Variants in AAMDC observed in about 807,000 individuals in gnomAD.
The protein encoded by AAMDC is adipogenesis associated Mth938 domain containing.
A neutral mutation model predicts 15.5 loss-of-function variants in AAMDC; 16 were observed. The observed-to-expected ratio is 1.03, with a 90% confidence interval of 0.70 to 1.57. The LOEUF is 1.57. Ranked by LOEUF, AAMDC falls within the 40% of genes most tolerant of loss-of-function variation. AAMDC has a pLI of 0.00. For synonymous variants in AAMDC, 51 were observed against 51.6 expected (o/e 0.99, Z 0.05); for missense variants, 141 against 144.9 (o/e 0.97, Z 0.14).
chr11:77,874,566 C>A (rs977503241), downstream of AAMDC, among the ~76,000 whole-genome samples: 1 of 152,152 alleles, frequency 6.6e-6, no homozygotes, highest in Non-Finnish European at 1.5e-5. Context: ...ATAGCCCCTA[C>A]TTTGGAACCT....
chr11:77,836,460 G>T lies in AAMDC; in HGVS notation c.-18-6019G>T, dbSNP rs181674038. On this transcript the variant is annotated intron_variant, in intron 1 of 3. Coordinates refer to ENST00000393427, the MANE Select transcript of AAMDC (RefSeq NM_024684.4). ...AGGCATCCATTTCCAAGCCAAAAAGGCCTCGCCATAAACCAACCAATCCTA... is the reference window on the plus strand; with the variant it reads ...AGGCATCCATTTCCAAGCCAAAAAGTCCTCGCCATAAACCAACCAATCCTA... 9.5e-4 allele frequency among the ~76,000 whole-genome samples: 144 copies of T among 152,154 alleles called. 3 individuals carry two copies. The East Asian group carries it at 0.026, about 27-fold the overall frequency.
intron 5 of AAMDC, among the ~76,000 whole-genome samples, chr11:77,892,313 A>G (rs934213637): frequency 5.3e-5 from 8 of 152,196 alleles, no homozygotes; most frequent in African/African-American, 1.9e-4. Context: ...TGAGGCTCAG[A>G]AAAGTTAAGT....
intron 2 of AAMDC, among the ~76,000 whole-genome samples, chr11:77,857,850 C>T (rs1950692451): frequency 6.6e-6 from 1 of 152,040 alleles, no homozygotes; most frequent in African/African-American, 2.4e-5. Context: ...GTGCGCACCA[C>T]CATGCCCTGC....
intron 2 of AAMDC, among the ~76,000 whole-genome samples, chr11:77,850,078 T>C (rs1413002537): frequency 1.3e-5 from 2 of 152,190 alleles, no homozygotes; most frequent in Non-Finnish European, 2.9e-5. Context: ...TGAATTGAAA[T>C]TTTCATTATA....
At chr11:77,856,236 C>G (rs887098491) in intron 2 of AAMDC, among the ~76,000 whole-genome samples, 1 of 152,234 alleles carries the variant, frequency 6.6e-6, no homozygotes, top group Non-Finnish European at 1.5e-5. Flanking sequence ...AAGCATAGCA[C>G]AAGTAACCTT....
At chr11:77,845,220 CATT>C (rs1950092991) in intron 2 of AAMDC, among the ~76,000 whole-genome samples, 1 of 152,110 alleles carries the variant, frequency 6.6e-6, no homozygotes, top group Admixed American at 6.6e-5. Context: ...TTGTGACTCT[CATT>C]ATGAATATAT....
downstream of AAMDC, among the ~76,000 whole-genome samples, chr11:77,901,081 G>C (rs1482572627): frequency 6.6e-6 from 1 of 152,166 alleles, no homozygotes; most frequent in Non-Finnish European, 1.5e-5. Context: ...CTTCAGAACA[G>C]AAAAAGTGGT....
At chr11:77,831,003 A>T (rs1381119799) in intron 1 of AAMDC, among the ~76,000 whole-genome samples, 1 of 151,300 alleles carries the variant, frequency 6.6e-6, no homozygotes. Context: ...AAAAAAAAAA[A>T]AAAAAAATAG....
intron 5 of AAMDC, among the ~76,000 whole-genome samples, chr11:77,896,320 CA>C (rs1220489813): frequency 6.6e-6 from 1 of 152,044 alleles, no homozygotes; most frequent in East Asian, 1.9e-4. Flanking sequence ...GAATCAACAA[CA>C]ATGTAAACTG....
chr11:77,840,491 T>C (rs1229570878), intron 1 of AAMDC, among the ~76,000 whole-genome samples: 1 of 152,058 alleles, frequency 6.6e-6, no homozygotes, highest in African/African-American at 2.4e-5. Flanking sequence ...ATCGCACCAC[T>C]GCACTCCAGC....
At chr11:77,869,170 C>T in intron 2 of AAMDC, 1 of 239,280 alleles carries the variant, frequency 4.2e-6, no homozygotes, top group South Asian at 7.4e-5. Context: ...TTGGGTGCAT[C>T]TCCTCTTTCC....
At chr11:77,903,689 C>T (rs1952850523), downstream of AAMDC, 5 of 1,259,752 alleles carry the variant, frequency 4.0e-6, no homozygotes, top group South Asian at 6.9e-5. Flanking sequence ...TTGGGATTTA[C>T]ATTTTTGTTT....
downstream of AAMDC, among the ~76,000 whole-genome samples, chr11:77,904,968 T>G (rs1029997101): frequency 6.6e-6 from 1 of 152,232 alleles, no homozygotes; most frequent in African/African-American, 2.4e-5. Context: ...TAATTTTAGA[T>G]ATCAGCTTGA....
At chr11:77,821,687 A>G (rs1948911008) in intron 1 of AAMDC, among the ~76,000 whole-genome samples, 1 of 151,788 alleles carries the variant, frequency 6.6e-6, no homozygotes, top group African/African-American at 2.4e-5. Flanking sequence ...ACGGTGGAGC[A>G]GCGAAAAGTT....
At chr11:77,855,720 C>CTT (rs374235923) in intron 2 of AAMDC, among the ~76,000 whole-genome samples, 8,330 of 127,890 alleles carry the variant, frequency 0.065, 430 homozygotes, top group Non-Finnish European at 0.083. Context: ...AGTTTTATGT[C>CTT]TTTTTTTTTT....
chr11:77,874,892 C>A (rs1180691240), downstream of AAMDC, among the ~76,000 whole-genome samples: 1 of 152,132 alleles, frequency 6.6e-6, no homozygotes. Flanking sequence ...CAAAAATTAG[C>A]CAGGCGTGGT....
chr11:77,841,282 G>T lies in AAMDC; in HGVS notation c.-18-1197G>T, dbSNP rs1395438002. ...TAAATTTAAACATGAGTTTGGAAGG[G>T]TGCAGACATTCAAACCATAGCACTA... On this transcript the variant is annotated intron_variant, in intron 1 of 3. Transcript: ENST00000393427. 3 of 701,320 alleles carry T rather than the reference G, an allele frequency of 4.3e-6. No homozygotes were observed. In the African/African-American group the frequency reaches 5.2e-5, roughly 12 times the overall value. The allele number at this position is 701,320 out of a possible 1,614,324, so 43.4% of individuals were successfully genotyped here.
intron 5 of AAMDC, among the ~76,000 whole-genome samples, chr11:77,893,217 A>G (rs1215709421): frequency 7.9e-5 from 12 of 152,258 alleles, no homozygotes; most frequent in Non-Finnish European, 1.6e-4. Context: ...GATTCATTCC[A>G]TATAAAACTC....
chr11:77,874,084 G>T (rs1951531347), downstream of AAMDC, among the ~76,000 whole-genome samples: 1 of 152,176 alleles, frequency 6.6e-6, no homozygotes, highest in Non-Finnish European at 1.5e-5. Flanking sequence ...TTTTTTCCAA[G>T]TTCTCCAAGT....
Sources: allele counts gnomAD v4.1 joint callset (sites outside exome capture counted in the v4.1 genomes callset), GRCh38; gene constraint gnomAD v4.1.1; transcripts MANE v1.5; gene names NCBI Gene and HGNC (gene_info 2026-07-23, HGNC 2026-07-21).